Variants in ADCY1 observed in about 807,000 individuals in gnomAD.
ADCY1 encodes the protein adenylate cyclase type 1.
In ADCY1, 28 loss-of-function variants were observed where a neutral mutation model predicts 105.4. That is an observed-to-expected ratio of 0.27 (90% CI 0.20 to 0.36). The LOEUF (loss-of-function observed/expected upper bound fraction) is 0.36. Ranked by LOEUF, ADCY1 falls within the 10% of genes least tolerant of loss-of-function variation. The pLI is 1.00. For synonymous variants in ADCY1, 655 were observed against 623.8 expected (o/e 1.05, Z -0.75); for missense variants, 977 against 1,434.2 (o/e 0.68, Z 5.15).
intron 14 of ADCY1, among the ~76,000 whole-genome samples, chr7:45,688,270 C>T (rs116904791): frequency 6.6e-6 from 1 of 152,146 alleles, no homozygotes; most frequent in African/African-American, 2.4e-5. Context: ...GAACCCTAAT[C>T]CAGGTGTGCA....
At chr7:45,662,723 C>T (rs746637795) in intron 8 of ADCY1, among the ~76,000 whole-genome samples, 5 of 152,136 alleles carry the variant, frequency 3.3e-5, no homozygotes, top group Non-Finnish European at 7.3e-5. Context: ...CCAGCCAGGA[C>T]GTCCAGACGA....
At chr7:45,678,673 A>G (rs545865633) in intron 10 of ADCY1, among the ~76,000 whole-genome samples, 1 of 150,206 alleles carries the variant, frequency 6.7e-6, no homozygotes, top group East Asian at 2.0e-4. Context: ...TGAGGCCAGT[A>G]GTTCAAGACC....
chr7:45,659,922 G>T (rs1330423602), intron 6 of ADCY1, 120 bp from the exon 7 acceptor site: 3 of 1,302,442 alleles, frequency 2.3e-6, no homozygotes, highest in Admixed American at 4.4e-5. Flanking sequence ...AATACTCCCC[G>T]TGGAGCCTGC....
At chr7:45,677,191 C>T (rs1168837470) in intron 8 of ADCY1, among the ~76,000 whole-genome samples, 3 of 152,110 alleles carry the variant, frequency 2.0e-5, no homozygotes, top group Non-Finnish European at 2.9e-5. Context: ...GGAATAAAAA[C>T]AAGTGTGTTC....
chr7:45,713,256 C>T (rs1785299263), intron 19 of ADCY1, among the ~76,000 whole-genome samples: 1 of 152,230 alleles, frequency 6.6e-6, no homozygotes, highest in African/African-American at 2.4e-5. Context: ...TCCCACACAG[C>T]CTCTGGCATG....
chr7:45,640,668 T>C (rs1443422974), intron 4 of ADCY1, among the ~76,000 whole-genome samples: 1 of 152,218 alleles, frequency 6.6e-6, no homozygotes, highest in African/African-American at 2.4e-5. Context: ...CGCCAGCATA[T>C]CCATTTGGGG....
intron 3 of ADCY1, among the ~76,000 whole-genome samples, chr7:45,614,207 G>A (rs973162357): frequency 6.6e-6 from 1 of 152,076 alleles, no homozygotes; most frequent in Non-Finnish European, 1.5e-5. Context: ...TAACTGGAAA[G>A]TATGTTAAAA....
intron 17 of ADCY1, among the ~76,000 whole-genome samples, chr7:45,707,205 A>G (rs1340164406): frequency 6.6e-6 from 1 of 152,364 alleles, no homozygotes; most frequent in South Asian, 2.1e-4. Flanking sequence ...CACTTTTGGT[A>G]TATATCCAAA....
intron 8 of ADCY1, among the ~76,000 whole-genome samples, chr7:45,663,464 G>C (rs1795183597): frequency 1.3e-5 from 2 of 152,184 alleles, no homozygotes; most frequent in African/African-American, 4.8e-5. Context: ...AGGGCAGAGG[G>C]GACTGGCCTC....
chr7:45,628,765 C>T (rs2115958354), intron 4 of ADCY1, among the ~76,000 whole-genome samples: 1 of 152,292 alleles, frequency 6.6e-6, no homozygotes, highest in South Asian at 2.1e-4. Context: ...CCACGTGTGG[C>T]CTAACTAGTG....
At chr7:45,618,007 G>A (rs185953088) in intron 3 of ADCY1, among the ~76,000 whole-genome samples, 67 of 152,280 alleles carry the variant, frequency 4.4e-4, no homozygotes, top group African/African-American at 1.6e-3. Context: ...AACTAAAACA[G>A]CATGGTACTG....
chr7:45,628,316 C>T (rs555200489), intron 4 of ADCY1, among the ~76,000 whole-genome samples: 2 of 152,338 alleles, frequency 1.3e-5, no homozygotes, highest in Admixed American at 6.5e-5. Flanking sequence ...GTGAGCCTCT[C>T]GCTTTCCCTG....
intron 5 of ADCY1, among the ~76,000 whole-genome samples, chr7:45,656,698 T>G (rs990718305): frequency 3.9e-5 from 6 of 152,026 alleles, no homozygotes; most frequent in Admixed American, 1.3e-4. Flanking sequence ...GCTTCTCGGG[T>G]GGGTGGCACA....
intron 4 of ADCY1, among the ~76,000 whole-genome samples, chr7:45,623,071 T>C (rs1267402376): frequency 6.6e-6 from 1 of 152,216 alleles, no homozygotes; most frequent in East Asian, 1.9e-4. Flanking sequence ...TGCCATTGTG[T>C]CCCACTGTAG....
At chr7:45,622,774 A>G in intron 4 of ADCY1, 31 bp downstream of exon 4, 1 of 1,561,158 alleles carries the variant, frequency 6.4e-7, no homozygotes, top group Non-Finnish European at 8.8e-7. Context: ...TGTTCGAATT[A>G]AATTAGAATT....
At chr7:45,690,076 G>A (rs1392735635) in intron 14 of ADCY1, among the ~76,000 whole-genome samples, 1 of 152,216 alleles carries the variant, frequency 6.6e-6, no homozygotes, top group East Asian at 1.9e-4. Context: ...GGAGGCAGGT[G>A]GGAGCCCTGT....
chr7:45,708,584 G>A lies in ADCY1; in HGVS notation c.2932+120G>A. The A allele has an allele frequency of 2.8e-6, 2 of 722,414 alleles. No homozygotes were observed. The highest frequency in any genetic ancestry group is 4.7e-5 in the Admixed American group (2 of 42,674). The allele number at this position is 722,414 out of a possible 1,614,324, so 44.8% of individuals were successfully genotyped here. On this transcript the variant is annotated intron_variant, in intron 18 of 19. Transcript: ENST00000297323. This position sits in a 1 kb window ranked among gnomAD's most constrained non-coding sequence, Gnocchi z 4.7. ...CAGGAAGGAGGGTGGTGCCACCCAG[G>A]AGGGCATGGGGACCTGTGTACCGAG...
intron 11 of ADCY1, among the ~76,000 whole-genome samples, chr7:45,681,745 A>G (rs776968763): frequency 6.6e-6 from 1 of 152,118 alleles, no homozygotes; most frequent in Non-Finnish European, 1.5e-5. Context: ...GGCTGTGGGA[A>G]TGGAGGTGAG....
chr7:45,598,680 A>T (rs1793139912), intron 2 of ADCY1, among the ~76,000 whole-genome samples: 1 of 152,232 alleles, frequency 6.6e-6, no homozygotes, highest in African/African-American at 2.4e-5. Flanking sequence ...TATAATTATT[A>T]AAAAGATTGA....
Sources: allele counts gnomAD v4.1 joint callset (sites outside exome capture counted in the v4.1 genomes callset), GRCh38; gene constraint gnomAD v4.1.1; non-coding constraint Gnocchi (gnomAD v3.1); transcripts MANE v1.5; gene names NCBI Gene and HGNC (gene_info 2026-07-23, HGNC 2026-07-21).